Variants in KCNMA1 observed in about 807,000 individuals in gnomAD.
KCNMA1 encodes Calcium-activated potassium channel subunit alpha-1.
A neutral mutation model predicts 140.0 loss-of-function variants in KCNMA1; 29 were observed. The ratio of observed to expected loss-of-function variants is 0.21; its 90% CI spans 0.15 to 0.28. KCNMA1 has a LOEUF of 0.28. Among genes scored for constraint, KCNMA1 ranks in the 10% least tolerant of loss-of-function variants. The pLI is 1.00. For missense variants in KCNMA1, 880 were observed against 1,602.2 expected (o/e 0.55, Z 7.70); for synonymous variants, 612 against 611.9 (o/e 1.00, Z 0.00).
chr10:77,054,290 T>C (rs907890763), intron 14 of KCNMA1, among the ~76,000 whole-genome samples: 11 of 152,214 alleles, frequency 7.2e-5, no homozygotes, highest in Admixed American at 5.9e-4. Context: ...TGCCAAATTT[T>C]AGCCAAAACA....
chr10:77,533,540 TA>T (rs2154553377), intron 1 of KCNMA1, among the ~76,000 whole-genome samples: 1 of 152,216 alleles, frequency 6.6e-6, no homozygotes, highest in Admixed American at 6.5e-5. Flanking sequence ...TCTCCTTGAG[TA>T]CAGGGACCAG....
At chr10:77,177,568 A>G (rs1424842339) in intron 5 of KCNMA1, among the ~76,000 whole-genome samples, 1 of 151,100 alleles carries the variant, frequency 6.6e-6, no homozygotes, top group South Asian at 2.1e-4. Flanking sequence ...CAAACACCTG[A>G]GCTCAGGGGT....
At chr10:77,384,104 C>T (rs1021865213) in intron 2 of KCNMA1, among the ~76,000 whole-genome samples, 3 of 152,338 alleles carry the variant, frequency 2.0e-5, no homozygotes, top group Middle Eastern at 3.4e-3. Context: ...CTCTAACCCC[C>T]GCGGAGATCA....
chr10:77,276,824 T>C (rs569565252), intron 2 of KCNMA1, among the ~76,000 whole-genome samples: 1 of 152,170 alleles, frequency 6.6e-6, no homozygotes, highest in East Asian at 1.9e-4. Flanking sequence ...GCAAACAAAA[T>C]ATGGTACATA....
intron 12 of KCNMA1, among the ~76,000 whole-genome samples, chr10:77,082,709 A>T (rs915774318): frequency 9.2e-5 from 14 of 152,190 alleles, no homozygotes; most frequent in Non-Finnish European, 1.8e-4. Flanking sequence ...CTGATTCGGG[A>T]ATGAGCCCAG....
chr10:77,183,561 A>G lies in KCNMA1; in HGVS notation c.697-29T>C, dbSNP rs752082350. On this transcript the variant is annotated intron_variant, in intron 4 of 27. Coordinates refer to ENST00000286628, the MANE Select transcript of KCNMA1 (RefSeq NM_001161352.2). ...GGGGAAAGAAGAAATAAGAAAGAGA[A>G]AAAACATGAGAAGCATGGTGCTGGC... The G allele has an allele frequency of 2.0e-6, 3 of 1,479,312 alleles. No homozygotes were observed. In the African/African-American group the frequency reaches 4.2e-5, roughly 20 times the overall value. The allele number at this position is 1,479,312 out of a possible 1,614,324, so 91.6% of individuals were successfully genotyped here. A position where few individuals can be genotyped will look rare whatever the true frequency, so the allele number is the denominator to read the frequency against.
chr10:77,151,151 C>CT (rs201760771), intron 5 of KCNMA1, among the ~76,000 whole-genome samples: 2,827 of 148,334 alleles, frequency 0.019, 99 homozygotes, highest in African/African-American at 0.068. Context: ...TTCTTTCTTT[C>CT]TTTCTTTTCT....
intron 3 of KCNMA1, among the ~76,000 whole-genome samples, chr10:77,227,124 A>T (rs949671324): frequency 2.0e-5 from 3 of 152,178 alleles, no homozygotes; most frequent in African/African-American, 7.2e-5. Flanking sequence ...ATTTCCACTG[A>T]CATCAACACC....
chr10:76,950,844 G>A (rs866352781), intron 21 of KCNMA1, among the ~76,000 whole-genome samples: 9 of 152,178 alleles, frequency 5.9e-5, no homozygotes, highest in African/African-American at 1.2e-4. Context: ...CAGGGAAACC[G>A]GAGACATAAG....
intron 2 of KCNMA1, among the ~76,000 whole-genome samples, chr10:77,388,295 TCTTTA>T (rs1221955411): frequency 5.3e-5 from 8 of 152,228 alleles, no homozygotes; most frequent in Non-Finnish European, 8.8e-5. Flanking sequence ...TTCTTGAGCC[TCTTTA>T]CTTTACGTTC....
intron 1 of KCNMA1, chr10:77,587,757 T>G: frequency 1.0e-6 from 1 of 985,384 alleles, no homozygotes; most frequent in Non-Finnish European, 1.2e-6. Context: ...TTTCATGTCT[T>G]TTATTGATCA....
intron 3 of KCNMA1, among the ~76,000 whole-genome samples, chr10:77,226,468 G>A (rs1421466756): frequency 6.6e-6 from 1 of 151,792 alleles, no homozygotes; most frequent in Non-Finnish European, 1.5e-5. Flanking sequence ...GAGCCATCCT[G>A]GTTTGAGATC....
intron 3 of KCNMA1, among the ~76,000 whole-genome samples, chr10:77,210,107 C>CA (rs555340481): frequency 6.8e-4 from 103 of 151,890 alleles, no homozygotes; most frequent in Non-Finnish European, 1.2e-3. Context: ...AGAGACACAA[C>CA]AAAAAAAGAA....
intron 18 of KCNMA1, among the ~76,000 whole-genome samples, chr10:77,006,943 A>G (rs949722681): frequency 6.6e-6 from 1 of 152,222 alleles, no homozygotes; most frequent in African/African-American, 2.4e-5. Context: ...TGAGCAATCT[A>G]TACCCTCCAA....
Position 77,212,794 on chromosome 10 carries a change from C to T in KCNMA1, c.603-27878G>A, listed in dbSNP as rs570542523. 8.5e-5 allele frequency among the ~76,000 whole-genome samples: 13 copies of T among 152,226 alleles called. No individual in the cohort carries two copies. The South Asian group carries it at 2.1e-3, about 24-fold the overall frequency. The stretch of plus-strand genomic sequence containing the variant: ...AAGGCACAGCCAAGAGGAATCAGCG[C>T]TCTTGACTTTGACATCTTCAATTCC... On this transcript the variant is annotated intron_variant, in intron 3 of 27. Transcript: ENST00000286628.
chr10:77,496,324 C>A (rs370776355), intron 1 of KCNMA1, among the ~76,000 whole-genome samples: 1 of 152,090 alleles, frequency 6.6e-6, no homozygotes, highest in Admixed American at 6.5e-5. Context: ...GGGCCGGGCA[C>A]GGTGGCTCAC....
Position 77,619,357 on chromosome 10 carries a change from G to A in KCNMA1, c.378+17908C>T, listed in dbSNP as rs1246267789. ...CTCTCTCTCTCTCTCGTATGCCCAC[G>A]CACATGCTTCCTCTCACTCTCGCTC... is the stretch of plus-strand genomic sequence containing the variant. On this transcript the variant is annotated intron_variant, in intron 1 of 27. Transcript: ENST00000286628. 3.3e-5 allele frequency among the ~76,000 whole-genome samples: 5 copies of A among 149,634 alleles called. No homozygotes were observed. The South Asian group carries it at 6.4e-4, about 19-fold the overall frequency.
At chr10:77,300,081 G>C (rs776303414) in intron 2 of KCNMA1, among the ~76,000 whole-genome samples, 1 of 152,194 alleles carries the variant, frequency 6.6e-6, no homozygotes, top group Non-Finnish European at 1.5e-5. Flanking sequence ...GGCCTGCTAA[G>C]GGACTTCAAG....
intron 2 of KCNMA1, among the ~76,000 whole-genome samples, chr10:77,363,276 C>T (rs2094126683): frequency 6.6e-6 from 1 of 152,152 alleles, no homozygotes; most frequent in African/African-American, 2.4e-5. Context: ...TCTGGATTCC[C>T]ACTCCTGGGG....
Sources: allele counts gnomAD v4.1 joint callset (sites outside exome capture counted in the v4.1 genomes callset), GRCh38; gene constraint gnomAD v4.1.1; transcripts MANE v1.5; gene names NCBI Gene and HGNC (gene_info 2026-07-23, HGNC 2026-07-21).